Variants in CLTC observed in about 807,000 individuals in gnomAD.
CLTC encodes the protein clathrin heavy chain.
Under a neutral mutation model 195.8 loss-of-function variants are expected in CLTC, and 16 were observed. The observed-to-expected ratio is 0.08, with a 90% CI of 0.06 to 0.12. The LOEUF (loss-of-function observed/expected upper bound fraction) is 0.12, where lower values mean the gene tolerates loss of function less well. Ranked by LOEUF, CLTC falls within the 10% of genes least tolerant of loss-of-function variation. The probability of loss-of-function intolerance (pLI) is 1.00; values close to 1 mark genes in which losing one functional copy is unlikely to be tolerated. For missense variants in CLTC, 796 were observed against 2,027.0 expected, an observed-to-expected ratio of 0.39 and a Z score of 11.66; for synonymous variants, 667 against 689.4, an observed-to-expected ratio of 0.97 and a Z score of 0.51.
intron 18 of CLTC, 40 bp from the exon 19 acceptor site, chr17:59,680,872 A>G: frequency 1.3e-6 from 2 of 1,503,996 alleles, no homozygotes; most frequent in Non-Finnish European, 1.8e-6. Context: ...TTTAAAACCA[A>G]CTTGATTCTC....
intron 16 of CLTC, 106 bp from the exon 17 acceptor site, chr17:59,676,848 G>A (rs2032977438): frequency 3.5e-6 from 3 of 852,540 alleles, no homozygotes; most frequent in Admixed American, 2.5e-5. Context: ...GAAAAAGTAT[G>A]TGAAAGCACA....
At chr17:59,674,301 A>T (rs370706485) in intron 15 of CLTC, among the ~76,000 whole-genome samples, 1 of 152,148 alleles carries the variant, frequency 6.6e-6, no homozygotes, top group Non-Finnish European at 1.5e-5. Context: ...TTAAATACAG[A>T]TATTAGATAA....
chr17:59,685,634 A>G lies in CLTC; in HGVS notation c.4653A>G (p.Glu1551=), dbSNP rs763036204. 3 of 1,614,068 alleles carry G rather than the reference A, an allele frequency of 1.9e-6. No homozygotes were observed. In the African/African-American group the frequency reaches 4.0e-5, roughly 22 times the overall value. The change falls in exon 30 of 32, where the codon GAA becomes GAG. Residue 1551 remains glutamate (E), a synonymous_variant. Transcript: ENST00000269122. The surrounding 1 kb of genome is among the most constrained non-coding windows in gnomAD (Gnocchi z 5.0). ...AATCTAAAGATACTGAATTGGCTGA[A>G]GAACTCCTGCAGTGGTTTTTGCAGG... ...ASESKDTELA[E]ELLQWFLQEE... is the part of the protein sequence containing the mutation.
At chr17:59,631,820 A>G (rs1157814505) in intron 1 of CLTC, among the ~76,000 whole-genome samples, 1 of 152,132 alleles carries the variant, frequency 6.6e-6, no homozygotes, top group Non-Finnish European at 1.5e-5. Flanking sequence ...AAAATAAAAA[A>G]TTAGCCAGGT....
At chr17:59,622,207 C>G (rs1567920550) in intron 1 of CLTC, among the ~76,000 whole-genome samples, 1 of 152,162 alleles carries the variant, frequency 6.6e-6, no homozygotes, top group Non-Finnish European at 1.5e-5. Flanking sequence ...AAGCGATTTG[C>G]AAATTGAAAA....
chr17:59,683,618 A>G lies in CLTC; in HGVS notation c.4192-7A>G. On this transcript the variant is annotated splice_polypyrimidine_tract_variant and splice_region_variant and intron_variant, in intron 26 of 31. Coordinates refer to ENST00000269122, the MANE Select transcript of CLTC (RefSeq NM_004859.4). This position sits in a 1 kb window ranked among gnomAD's most constrained non-coding sequence, Gnocchi z 6.1. Reference sequence around the variant, plus strand: ...AACTGACTTATGTATGGATTTTCCCATTGTAGGTTGCCAATGTGGAACTAT... The same window carrying G: ...AACTGACTTATGTATGGATTTTCCCGTTGTAGGTTGCCAATGTGGAACTAT... 6.2e-7 allele frequency: 1 copy of G among 1,614,000 alleles called. No individual in the cohort carries two copies. Among genetic ancestry groups the G allele is most frequent in the South Asian group, 1.1e-5 (1 of 91,068 alleles).
chr17:59,662,492 G>A (rs2032633150), intron 8 of CLTC, among the ~76,000 whole-genome samples: 1 of 152,126 alleles, frequency 6.6e-6, no homozygotes, highest in Non-Finnish European at 1.5e-5. Flanking sequence ...ACATAAAAAA[G>A]CCTTTCTCCT....
At chr17:59,688,046 A>G (rs1468466050) in intron 30 of CLTC, among the ~76,000 whole-genome samples, 2 of 152,202 alleles carry the variant, frequency 1.3e-5, no homozygotes, top group African/African-American at 2.4e-5. Flanking sequence ...AGTAAAATGC[A>G]TTGTGTGTGA....
intron 15 of CLTC, among the ~76,000 whole-genome samples, chr17:59,674,377 G>A (rs1387190341): frequency 6.6e-6 from 1 of 152,068 alleles, no homozygotes; most frequent in Non-Finnish European, 1.5e-5. Flanking sequence ...AGACAGTCTT[G>A]CATAGTCATC....
Position 59,687,389 on chromosome 17 carries a change from A to C in CLTC, c.4827+1581A>C, listed in dbSNP as rs574392081. ...CATAATAGGACTGTCATAATCCTTG[A>C]AGTAAATTAAAACAGCCTCTGGTTT... On this transcript the variant is annotated intron_variant, in intron 30 of 31. Transcript: ENST00000269122. Among the ~76,000 whole-genome samples the C allele has an allele frequency of 2.2e-4, 34 of 152,230 alleles. No individual in the cohort carries two copies. The East Asian group carries it at 6.0e-3, about 27-fold the overall frequency.
At chr17:59,643,990 C>T (rs528342788) in intron 1 of CLTC, among the ~76,000 whole-genome samples, 1 of 152,286 alleles carries the variant, frequency 6.6e-6, no homozygotes, top group African/African-American at 2.4e-5. Flanking sequence ...ACTCAATTAC[C>T]TCAAATCCCT....
chr17:59,690,523 A>G, intron 30 of CLTC, 113 bp from the exon 31 acceptor site: 1 of 676,644 alleles, frequency 1.5e-6, no homozygotes, highest in East Asian at 2.7e-5. Flanking sequence ...TGTTCTTTCT[A>G]GTCTGTTTTA....
chr17:59,673,721 C>T lies in CLTC; in HGVS notation c.2367C>T (p.Leu789=), dbSNP rs1567963484. 6.7e-7 allele frequency: 1 copy of T among 1,498,728 alleles called. No individual in the cohort carries two copies. The highest frequency in any genetic ancestry group is 1.7e-5 in the Admixed American group (1 of 59,736). 92.8% of individuals were successfully genotyped at this position (1,498,728 alleles called of 1,614,324 possible). A position where few individuals can be genotyped will look rare whatever the true frequency, so the allele number is the denominator to read the frequency against. Residue 789 remains leucine, a synonymous_variant, in exon 15 of 32, where the codon CTC becomes CTT. Transcript: ENST00000269122. ...DRFDFVHDLV[L]YLYRNNLQKY... is the part of the protein sequence containing the mutation. ...TTGACTTTGTCCATGATTTGGTGCT[C>T]TATTTATATAGAAATAATCTTCAAA...
intron 1 of CLTC, among the ~76,000 whole-genome samples, chr17:59,642,464 A>G (rs551763510): frequency 6.6e-6 from 1 of 152,262 alleles, no homozygotes; most frequent in South Asian, 2.1e-4. Context: ...TTTTAGGTAT[A>G]TAGCTCTATG....
intron 17 of CLTC, among the ~76,000 whole-genome samples, chr17:59,678,673 C>A (rs1288445210): frequency 6.6e-6 from 1 of 152,194 alleles, no homozygotes; most frequent in Non-Finnish European, 1.5e-5. Context: ...TGAAGTCAGT[C>A]ATTTCCCTAG....
rs181696643 is a variant in CLTC at position 59,666,174 on chromosome 17, T to C, written c.1716T>C (p.Asn572=). ...CTAFLLDALK[N]NRPSEGPLQT... is the part of the protein sequence containing the mutation. ...CATTCTTGCTTGATGCTCTGAAGAA[T>C]AATCGCCCATCTGAAGGTCCTTTAC... is the stretch of plus-strand genomic sequence containing the variant. Residue 572 remains asparagine (N), a synonymous_variant, in exon 11 of 32, where the codon AAT becomes AAC. Transcript: ENST00000269122. The surrounding 1 kb of genome is among the most constrained non-coding windows in gnomAD (Gnocchi z 4.9). 4.9e-5 allele frequency: 79 copies of C among 1,614,008 alleles called. 1 individual carries two copies. In the East Asian group the frequency reaches 1.6e-3, roughly 34 times the overall value.
chr17:59,664,007 A>G lies in CLTC; in HGVS notation c.1521+13A>G. The G allele has an allele frequency of 6.2e-7, 1 of 1,607,536 alleles. No individual in the cohort carries two copies. Among genetic ancestry groups the G allele is most frequent in the Non-Finnish European group, 8.5e-7 (1 of 1,176,120 alleles). ...ATATGCTAAAAAAGTGAGTTCAATG[A>G]AACACATTCTCAGCATGAATTCATT... On this transcript the variant is annotated intron_variant, in intron 9 of 31. Coordinates refer to ENST00000269122, the MANE Select transcript of CLTC (RefSeq NM_004859.4).
intron 2 of CLTC, among the ~76,000 whole-genome samples, chr17:59,644,794 G>T (rs1037615978): frequency 6.6e-6 from 1 of 152,018 alleles, no homozygotes; most frequent in Non-Finnish European, 1.5e-5. Flanking sequence ...CTCATGATCC[G>T]CCTGCCTCGG....
In CLTC at chr17:59,696,272, G is replaced by C. The variant is rs1203542696; in HGVS notation, c.*2420G>C. 2 of 222,020 alleles carry C rather than the reference G, an allele frequency of 9.0e-6. No individual in the cohort carries two copies. The highest frequency in any genetic ancestry group is 1.8e-5 in the Non-Finnish European group (2 of 111,062). 13.8% of individuals were successfully genotyped at this position (222,020 alleles called of 1,614,324 possible). ...CAATTTTTCTCCTGTGCTGTCATATGCCTGTGCGAAGTGTATTAAATGAAT... is the reference window on the plus strand; with the variant it reads ...CAATTTTTCTCCTGTGCTGTCATATCCCTGTGCGAAGTGTATTAAATGAAT... On this transcript the variant is annotated 3_prime_UTR_variant, in exon 32 of 32. Coordinates refer to ENST00000269122, the MANE Select transcript of CLTC (RefSeq NM_004859.4).
Sources: allele counts gnomAD v4.1 joint callset (sites outside exome capture counted in the v4.1 genomes callset), GRCh38; gene constraint gnomAD v4.1.1; non-coding constraint Gnocchi (gnomAD v3.1); transcripts MANE v1.5; gene names NCBI Gene and HGNC (gene_info 2026-07-23, HGNC 2026-07-21).